The following HCN1 variants were observed in gnomAD, a reference collection of about 807,000 sequenced individuals.
HCN1 encodes the protein potassium/sodium hyperpolarization-activated cyclic nucleotide-gated channel 1.
A neutral mutation model predicts 78.9 loss-of-function variants in HCN1; 13 were observed. The ratio of observed to expected loss-of-function variants is 0.16; its 90% CI spans 0.11 to 0.26. The LOEUF (loss-of-function observed/expected upper bound fraction) is 0.26, where lower values mean the gene tolerates loss of function less well. HCN1 is among the 10% of genes least tolerant of loss of function. The pLI is 1.00. For synonymous variants in HCN1, 552 were observed against 455.5 expected (o/e 1.21, Z -2.70); for missense variants, 810 against 1,154.3 (o/e 0.70, Z 4.32).
At chr5:45,312,126 T>G (rs1471337126) in intron 5 of HCN1, among the ~76,000 whole-genome samples, 2 of 152,238 alleles carry the variant, frequency 1.3e-5, no homozygotes, top group African/African-American at 2.4e-5. Context: ...ATGGAATGGT[T>G]GTTTCAGTCT....
In HCN1 at chr5:45,408,529, C is replaced by T. The variant is rs535373866; in HGVS notation, c.1012-11819G>A. Among the ~76,000 whole-genome samples the T allele has an allele frequency of 7.4e-4, 113 of 152,106 alleles. 1 individual carries two copies. Among genetic ancestry groups the T allele is most frequent in the South Asian group, 1.5e-3 (7 of 4,814 alleles). On this transcript the variant is annotated intron_variant, in intron 3 of 7. Coordinates refer to ENST00000303230, the MANE Select transcript of HCN1 (RefSeq NM_021072.4). ...AGCCTAGGTGTGTAGTAGGCTATATCGTCTAGGTTTGTGTAAGTACCATCT... is the reference window on the plus strand; with the variant it reads ...AGCCTAGGTGTGTAGTAGGCTATATTGTCTAGGTTTGTGTAAGTACCATCT...
At chr5:45,471,972 G>T (rs1415628500) in intron 2 of HCN1, among the ~76,000 whole-genome samples, 1 of 151,890 alleles carries the variant, frequency 6.6e-6, no homozygotes. Flanking sequence ...ATTCAAACCT[G>T]ATCATGTGAT....
Position 45,649,325 on chromosome 5 carries a change from C to A in HCN1, c.426-3717G>T, listed in dbSNP as rs143317449. On this transcript the variant is annotated intron_variant, in intron 1 of 7. Coordinates refer to ENST00000303230, the MANE Select transcript of HCN1 (RefSeq NM_021072.4). ...TGAGTGTACAGAGATTTCTTATATACCTCCTGCCCCTACACATATATAGTC... is the reference window on the plus strand; with the variant it reads ...TGAGTGTACAGAGATTTCTTATATAACTCCTGCCCCTACACATATATAGTC... Among the ~76,000 whole-genome samples, 47 of 151,820 alleles carry A rather than the reference C, an allele frequency of 3.1e-4. 1 individual carries two copies. The East Asian group carries it at 7.0e-3, about 23-fold the overall frequency.
In HCN1 at chr5:45,504,775, T is replaced by A. The variant is rs962399390; in HGVS notation, c.850-42768A>T. Among the ~76,000 whole-genome samples the A allele has an allele frequency of 3.9e-5, 6 of 152,316 alleles. No homozygotes were observed. The South Asian group carries it at 8.3e-4, about 21-fold the overall frequency. ...CTCCAGCACCTGTTGTTTCCTGACTTTTTAATGATTGTCATTCCAATTGGT... is the reference window on the plus strand; with the variant it reads ...CTCCAGCACCTGTTGTTTCCTGACTATTTAATGATTGTCATTCCAATTGGT... On this transcript the variant is annotated intron_variant, in intron 2 of 7. Transcript: ENST00000303230.
At chr5:45,307,459 G>T (rs1280060435) in intron 5 of HCN1, among the ~76,000 whole-genome samples, 3 of 152,062 alleles carry the variant, frequency 2.0e-5, no homozygotes, top group Admixed American at 2.0e-4. Flanking sequence ...GGCAATCAAT[G>T]TTAACATCAA....
intron 2 of HCN1, among the ~76,000 whole-genome samples, chr5:45,592,756 C>T (rs1744393585): frequency 1.3e-5 from 2 of 152,090 alleles, no homozygotes; most frequent in African/African-American, 4.8e-5. Context: ...TATGTATTTA[C>T]ATAAACATAT....
chr5:45,673,681 G>A (rs1746201922), intron 1 of HCN1, among the ~76,000 whole-genome samples: 1 of 151,452 alleles, frequency 6.6e-6, no homozygotes, highest in Admixed American at 6.6e-5. Flanking sequence ...ACAAGTAGGG[G>A]TTAGAGGTGA....
chr5:45,664,552 G>C (rs1745994777), intron 1 of HCN1, among the ~76,000 whole-genome samples: 1 of 150,174 alleles, frequency 6.7e-6, no homozygotes, highest in Non-Finnish European at 1.5e-5. Context: ...CTACTCATCT[G>C]ACAAAGGGCT....
rs1258131217 is a variant in HCN1 at position 45,257,178 on chromosome 5, T to TA, written c.*4742dup. On this transcript the variant is annotated 3_prime_UTR_variant, in exon 8 of 8. Coordinates refer to ENST00000303230, the MANE Select transcript of HCN1 (RefSeq NM_021072.4). ...TTTCAATGTGAATCCTCCCCGTTGA[T>TA]AAGCTTAAATTAAGAATATAAAGTA... is the stretch of plus-strand genomic sequence containing the variant. 6.6e-6 allele frequency: 1 copy of TA among 152,194 alleles called. No individual in the cohort carries two copies. Among genetic ancestry groups the TA allele is most frequent in the Non-Finnish European group, 1.5e-5 (1 of 68,040 alleles). 9.4% of individuals were successfully genotyped at this position (152,194 alleles called of 1,614,324 possible). A position where few individuals can be genotyped will look rare whatever the true frequency, so the allele number is the denominator to read the frequency against.
At chr5:45,282,157 C>T (rs2111870433) in intron 6 of HCN1, among the ~76,000 whole-genome samples, 1 of 152,148 alleles carries the variant, frequency 6.6e-6, no homozygotes, top group Admixed American at 6.5e-5. Flanking sequence ...AATGGAAATT[C>T]CTTCAATATT....
intron 2 of HCN1, among the ~76,000 whole-genome samples, chr5:45,468,116 T>G (rs1741314889): frequency 6.6e-6 from 1 of 152,110 alleles, no homozygotes; most frequent in Non-Finnish European, 1.5e-5. Context: ...ATGAGGAAAA[T>G]GTGAAGATAC....
intron 2 of HCN1, among the ~76,000 whole-genome samples, chr5:45,593,946 G>A (rs1016931761): frequency 2.0e-5 from 3 of 152,110 alleles, no homozygotes; most frequent in Non-Finnish European, 2.9e-5. Context: ...AAAGTGCTGG[G>A]ATTACAGGCA....
rs190708607 is a variant in HCN1 at position 45,414,115 on chromosome 5, A to G, written c.1012-17405T>C. Among the ~76,000 whole-genome samples the G allele has an allele frequency of 1.8e-3, 272 of 152,158 alleles. 1 individual carries two copies. Among genetic ancestry groups the G allele is most frequent in the African/African-American group, 6.3e-3 (261 of 41,550 alleles). ...TCTTTATGGCCAATTCGCCAATATTAGCCTATCATAACATAAATCTGAAGG... is the reference window on the plus strand; with the variant it reads ...TCTTTATGGCCAATTCGCCAATATTGGCCTATCATAACATAAATCTGAAGG... On this transcript the variant is annotated intron_variant, in intron 3 of 7. Coordinates refer to ENST00000303230, the MANE Select transcript of HCN1 (RefSeq NM_021072.4).
chr5:45,404,292 C>T (rs913864645), intron 3 of HCN1, among the ~76,000 whole-genome samples: 1 of 152,048 alleles, frequency 6.6e-6, no homozygotes, highest in South Asian at 2.1e-4. Flanking sequence ...AGTGTTTTAC[C>T]ATACAGTCCA....
At chr5:45,410,464 A>G (rs1740002245) in intron 3 of HCN1, among the ~76,000 whole-genome samples, 1 of 152,076 alleles carries the variant, frequency 6.6e-6, no homozygotes, top group African/African-American at 2.4e-5. Flanking sequence ...CCATTCTCCT[A>G]TGCTAAAGTT....
intron 4 of HCN1, among the ~76,000 whole-genome samples, chr5:45,378,035 A>G (rs1319284958): frequency 2.0e-5 from 3 of 151,956 alleles, no homozygotes; most frequent in Non-Finnish European, 4.4e-5. Flanking sequence ...GGGTGGTCCA[A>G]AGGAGATTAA....
chr5:45,374,677 G>A (rs1469049271), intron 4 of HCN1, among the ~76,000 whole-genome samples: 8 of 149,782 alleles, frequency 5.3e-5, no homozygotes, highest in Non-Finnish European at 7.4e-5. Context: ...ACCAAAACCC[G>A]GCAGAGACAA....
intron 4 of HCN1, among the ~76,000 whole-genome samples, chr5:45,371,913 AT>A (rs1429782595): frequency 9.1e-6 from 1 of 109,854 alleles, no homozygotes; most frequent in Non-Finnish European, 1.7e-5. Context: ...ATTATAAAAA[AT>A]ATATAATATA....
chr5:45,319,263 G>A (rs946578914), intron 5 of HCN1, among the ~76,000 whole-genome samples: 2 of 151,854 alleles, frequency 1.3e-5, no homozygotes, highest in Non-Finnish European at 2.9e-5. Context: ...CACTACAGTT[G>A]CTGCCAAAAG....
Sources: gnomAD v4.1 joint callset for allele counts (sites outside exome capture counted in the v4.1 genomes callset) on GRCh38, gnomAD v4.1.1 for gene constraint, MANE v1.5 for transcripts, NCBI Gene and HGNC (gene_info 2026-07-23, HGNC 2026-07-21) for gene names.